SHISA9: variants seen among roughly 807,000 people sequenced by gnomAD.
The protein encoded by SHISA9 is shisa family member 9.
SHISA9 carries 13 observed loss-of-function variants against 38.0 expected under a neutral mutation model. The ratio of observed to expected loss-of-function variants is 0.34; its 90% confidence interval spans 0.22 to 0.54. SHISA9 has a LOEUF of 0.54. Ranked by LOEUF, SHISA9 falls within the 20% of genes least tolerant of loss-of-function variation. The probability of loss-of-function intolerance (pLI) is 0.91; values close to 1 mark genes in which losing one functional copy is unlikely to be tolerated. For missense variants in SHISA9, 538 were observed against 575.8 expected, an observed-to-expected ratio of 0.93 and a Z score of 0.67; for synonymous variants, 275 against 242.0, an observed-to-expected ratio of 1.14 and a Z score of -1.27.
intron 2 of SHISA9, among the ~76,000 whole-genome samples, chr16:13,133,011 C>A (rs1165316343): frequency 6.6e-6 from 1 of 152,060 alleles, no homozygotes; most frequent in Non-Finnish European, 1.5e-5. Flanking sequence ...GCAAAGCCAT[C>A]ATTTTTTCAT....
At chr16:13,459,930 G>T in the SHISA9 span, among the ~76,000 whole-genome samples, 2 of 151,982 alleles carry the variant, frequency 1.3e-5, no homozygotes, top group African/African-American at 2.4e-5. Context: ...TTTTTTAACA[G>T]GGACACTCAC....
At chr16:13,467,080 T>C in the SHISA9 span, among the ~76,000 whole-genome samples, 1 of 152,202 alleles carries the variant, frequency 6.6e-6, no homozygotes, top group Non-Finnish European at 1.5e-5. Flanking sequence ...GGTGGGCTTA[T>C]GCTGATTAAT....
chr16:13,341,545 G>A, the SHISA9 span, among the ~76,000 whole-genome samples: 1 of 152,134 alleles, frequency 6.6e-6, no homozygotes, highest in African/African-American at 2.4e-5. Flanking sequence ...CATAAAAGAT[G>A]TCTATAGTTT....
the SHISA9 span, among the ~76,000 whole-genome samples, chr16:13,318,318 C>G: frequency 6.7e-6 from 1 of 149,810 alleles, no homozygotes; most frequent in Non-Finnish European, 1.5e-5. Context: ...ACCAAAAATA[C>G]CTCCATTTTT....
intron 2 of SHISA9, among the ~76,000 whole-genome samples, chr16:13,071,163 C>T (rs1346137607): frequency 6.6e-6 from 1 of 152,052 alleles, no homozygotes; most frequent in African/African-American, 2.4e-5. Context: ...CCTTAAAAAT[C>T]GTCAAGATGG....
chr16:13,466,473 G>A, the SHISA9 span, among the ~76,000 whole-genome samples: 2 of 152,152 alleles, frequency 1.3e-5, no homozygotes, highest in Non-Finnish European at 2.9e-5. Flanking sequence ...CACTCTTTAG[G>A]AATGAAGGTT....
At chr16:13,157,520 G>C (rs1206308753) in intron 2 of SHISA9, among the ~76,000 whole-genome samples, 1 of 152,168 alleles carries the variant, frequency 6.6e-6, no homozygotes, top group Non-Finnish European at 1.5e-5. Flanking sequence ...CATTTTCGAA[G>C]ATTTTCGTGA....
At chr16:13,142,176 C>T (rs372439950) in intron 2 of SHISA9, among the ~76,000 whole-genome samples, 7 of 152,150 alleles carry the variant, frequency 4.6e-5, no homozygotes, top group East Asian at 1.9e-4. Context: ...CTCTTGTCTA[C>T]GTGTGGACTG....
the SHISA9 span, among the ~76,000 whole-genome samples, chr16:13,261,698 GT>G: frequency 1.3e-5 from 2 of 152,148 alleles, no homozygotes; most frequent in African/African-American, 4.8e-5. Context: ...TAGATTAATG[GT>G]GGCACTTGTC....
rs1187489957 is a variant in SHISA9 at position 13,039,556 on chromosome 16, C to T, written c.691+122741C>T. Among the ~76,000 whole-genome samples, 6 of 149,844 alleles carry T rather than the reference C, an allele frequency of 4.0e-5. No homozygotes were observed. The South Asian group carries it at 1.3e-3, about 32-fold the overall frequency. On this transcript the variant is annotated intron_variant, in intron 2 of 4. Coordinates refer to ENST00000558583, the MANE Select transcript of SHISA9 (RefSeq NM_001145204.3). ...TTAAGGAGGATGACATATTGAGAGC[C>T]CAGAGAAACACAGAGTATAATATAA...
chr16:13,485,116 C>T, the SHISA9 span, among the ~76,000 whole-genome samples: 1 of 151,732 alleles, frequency 6.6e-6, no homozygotes, highest in Non-Finnish European at 1.5e-5. Flanking sequence ...TGGTGGTTTG[C>T]TGCACCTATC....
chr16:12,939,118 C>A (rs1450341799), intron 2 of SHISA9, among the ~76,000 whole-genome samples: 1 of 152,006 alleles, frequency 6.6e-6, no homozygotes, highest in African/African-American at 2.4e-5. Flanking sequence ...GAGTCTCCCT[C>A]TGTCACCCAG....
chr16:13,267,880 T>G, the SHISA9 span, among the ~76,000 whole-genome samples: 2 of 151,724 alleles, frequency 1.3e-5, no homozygotes, highest in Non-Finnish European at 2.9e-5. Context: ...CTCAGGTTTT[T>G]TTTTTTTTTT....
At chr16:13,178,230 C>A (rs1048209455) in intron 2 of SHISA9, among the ~76,000 whole-genome samples, 26 of 152,050 alleles carry the variant, frequency 1.7e-4, no homozygotes, top group African/African-American at 6.3e-4. Context: ...GTCAGGTGCA[C>A]GTGTGGAGAG....
At chr16:13,354,996 A>C in the SHISA9 span, among the ~76,000 whole-genome samples, 6 of 149,944 alleles carry the variant, frequency 4.0e-5, no homozygotes, top group Admixed American at 4.0e-4. Context: ...TCCAAGTGAA[A>C]GCGAAGAGAG....
At chr16:13,268,005 C>A in the SHISA9 span, among the ~76,000 whole-genome samples, 1 of 151,758 alleles carries the variant, frequency 6.6e-6, no homozygotes, top group Non-Finnish European at 1.5e-5. Flanking sequence ...GCTCAAAGGG[C>A]TTAAGGCCAG....
At chr16:13,200,504 A>T (rs151320078) in intron 2 of SHISA9, among the ~76,000 whole-genome samples, 89 of 152,066 alleles carry the variant, frequency 5.9e-4, no homozygotes, top group African/African-American at 2.0e-3. Context: ...TTCCCACAGG[A>T]CCAATACTTG....
intron 2 of SHISA9, among the ~76,000 whole-genome samples, chr16:13,021,459 G>C (rs139420180): frequency 6.6e-6 from 1 of 152,170 alleles, no homozygotes; most frequent in African/African-American, 2.4e-5. Context: ...ATGGGGACAG[G>C]AAGTGAGTTA....
At chr16:13,220,243 A>G (rs550552606) in intron 4 of SHISA9, among the ~76,000 whole-genome samples, 1 of 152,260 alleles carries the variant, frequency 6.6e-6, no homozygotes, top group South Asian at 2.1e-4. Context: ...TGGGTGATCT[A>G]GGCTGGTTTT....
Sources: allele counts gnomAD v4.1 joint callset (sites outside exome capture counted in the v4.1 genomes callset), GRCh38; gene constraint gnomAD v4.1.1; transcripts MANE v1.5; gene names NCBI Gene and HGNC (gene_info 2026-07-23, HGNC 2026-07-21).